CADM2: variants seen among roughly 807,000 people sequenced by gnomAD.
The protein encoded by CADM2 is immunoglobulin superfamily member 4D.
A neutral mutation model predicts 49.8 loss-of-function variants in CADM2; 12 were observed. The observed-to-expected ratio is 0.24, with a 90% CI of 0.15 to 0.39. The LOEUF is 0.39. Among genes scored for constraint, CADM2 ranks in the 10% least tolerant of loss-of-function variants. The pLI is 1.00. For missense variants in CADM2, 378 were observed against 492.3 expected, an observed-to-expected ratio of 0.77 and a Z score of 2.20; for synonymous variants, 214 against 175.4, an observed-to-expected ratio of 1.22 and a Z score of -1.74.
intron 1 of CADM2, among the ~76,000 whole-genome samples, chr3:85,122,573 T>G (rs557045858): frequency 2.6e-5 from 4 of 152,160 alleles, no homozygotes; most frequent in Non-Finnish European, 5.9e-5. Flanking sequence ...TGAACCATGA[T>G]TGGCTTTGGT....
intron 1 of CADM2, among the ~76,000 whole-genome samples, chr3:85,364,608 A>C (rs2107292760): frequency 6.6e-6 from 1 of 152,326 alleles, no homozygotes; most frequent in East Asian, 1.9e-4. Context: ...ATCACTACAT[A>C]AATTATGGCT....
rs191161043 is a variant in CADM2, at chr3:86,068,696, C to A, written c.*1913C>A. On this transcript the variant is annotated 3_prime_UTR_variant, in exon 10 of 10. Transcript: ENST00000383699. Reference sequence around the variant, plus strand: ...TTGATTTCTTACAAAAGAAAAAGGACGATGTCAGTCAAGCAGCACTTTTTC... The same window carrying A: ...TTGATTTCTTACAAAAGAAAAAGGAAGATGTCAGTCAAGCAGCACTTTTTC... 6 of 152,078 alleles carry A rather than the reference C, an allele frequency of 3.9e-5. No individual in the cohort carries two copies. The highest frequency in any genetic ancestry group is 7.4e-5 in the Non-Finnish European group (5 of 67,754). The allele number at this position is 152,078 out of a possible 1,614,324, so 9.4% of individuals were successfully genotyped here. A position where few individuals can be genotyped will look rare whatever the true frequency, so the allele number is the denominator to read the frequency against.
intron 3 of CADM2, among the ~76,000 whole-genome samples, chr3:85,859,951 T>TG (rs1210566175): frequency 6.6e-6 from 1 of 152,146 alleles, no homozygotes; most frequent in Non-Finnish European, 1.5e-5. Context: ...TGAAGTGAGA[T>TG]TTTTTCCCAT....
chr3:84,988,880 T>C (rs2032735181), intron 1 of CADM2, among the ~76,000 whole-genome samples: 1 of 152,210 alleles, frequency 6.6e-6, no homozygotes, highest in African/African-American at 2.4e-5. Flanking sequence ...TTACTCTGCC[T>C]AAACTGTTGT....
chr3:85,337,028 T>C (rs1377564442), intron 1 of CADM2, among the ~76,000 whole-genome samples: 1 of 136,006 alleles, frequency 7.4e-6, no homozygotes, highest in Admixed American at 7.7e-5. Flanking sequence ...TAAATAAATA[T>C]AAATATATAT....
rs150336816 is a variant in CADM2 at position 85,803,150 on chromosome 3, C to A, written c.238+954C>A. On this transcript the variant is annotated intron_variant, in intron 3 of 9. Coordinates refer to ENST00000383699, the MANE Select transcript of CADM2 (RefSeq NM_001167675.2). ...TATTTTGTTCATTGTTACAATTTTT[C>A]TTCTTTGATGTCCTCTAGATTTAAA... Among the ~76,000 whole-genome samples the A allele has an allele frequency of 2.8e-3, 421 of 152,070 alleles. 1 individual carries two copies. The highest frequency in any genetic ancestry group is 9.8e-3 in the African/African-American group (406 of 41,540).
chr3:86,016,171 G>A (rs2106959423), intron 8 of CADM2, among the ~76,000 whole-genome samples: 1 of 152,070 alleles, frequency 6.6e-6, no homozygotes, highest in South Asian at 2.1e-4. Flanking sequence ...TAATACTATA[G>A]TGGTAAAGTA....
intron 1 of CADM2, among the ~76,000 whole-genome samples, chr3:85,353,493 C>G (rs902143166): frequency 6.7e-6 from 1 of 149,782 alleles, no homozygotes; most frequent in Non-Finnish European, 1.5e-5. Flanking sequence ...TATATGATTG[C>G]TTTGTATTAA....
At position 85,022,636 on chromosome 3, in the gene CADM2, G is replaced by A. The variant is rs139841133; in HGVS notation, c.61+62968G>A. Reference sequence around the variant, plus strand: ...GCTAGTGATGCCTATTATATATACCGCTTTGTAACCTGCCACACATCATTG... The same window carrying A: ...GCTAGTGATGCCTATTATATATACCACTTTGTAACCTGCCACACATCATTG... On this transcript the variant is annotated intron_variant, in intron 1 of 9. Transcript: ENST00000383699. 4.0e-3 allele frequency among the ~76,000 whole-genome samples: 603 copies of A among 151,940 alleles called. 5 individuals carry two copies. The highest frequency in any genetic ancestry group is 0.014 in the African/African-American group (570 of 41,434).
At chr3:85,777,234 G>C (rs1220873851) in intron 2 of CADM2, among the ~76,000 whole-genome samples, 1 of 129,336 alleles carries the variant, frequency 7.7e-6, no homozygotes, top group Non-Finnish European at 1.8e-5. Context: ...ATTTGCTATG[G>C]TTTTTAAAAA....
At chr3:84,960,475 T>G in intron 1 of CADM2, 1 of 151,998 alleles carries the variant, frequency 6.6e-6, no homozygotes, top group East Asian at 1.9e-4. Flanking sequence ...ATTCAGTCTG[T>G]GTCGTTTCTT....
rs1330317763 is a variant in CADM2 at position 85,860,169 on chromosome 3, A to G, written c.239-23122A>G. ...TAAAAGATTTATTACATATTCATGG[A>G]TACTATTTACATACTTAGTAGCAAA... is the stretch of plus-strand genomic sequence containing the variant. On this transcript the variant is annotated intron_variant, in intron 3 of 9. Coordinates refer to ENST00000383699, the MANE Select transcript of CADM2 (RefSeq NM_001167675.2). Among the ~76,000 whole-genome samples, 3 of 152,160 alleles carry G rather than the reference A, an allele frequency of 2.0e-5. No individual in the cohort carries two copies. The East Asian group carries it at 5.8e-4, about 29-fold the overall frequency.
intron 1 of CADM2, among the ~76,000 whole-genome samples, chr3:85,058,437 C>A (rs990482152): frequency 1.3e-5 from 2 of 151,728 alleles, no homozygotes; most frequent in African/African-American, 4.8e-5. Flanking sequence ...AAATGACTTT[C>A]TTTTTTTTCT....
chr3:85,050,256 G>T (rs2035830451), intron 1 of CADM2, among the ~76,000 whole-genome samples: 1 of 152,012 alleles, frequency 6.6e-6, no homozygotes, highest in Non-Finnish European at 1.5e-5. Flanking sequence ...AACTGCCTTA[G>T]AACCCAGGAG....
intron 1 of CADM2, among the ~76,000 whole-genome samples, chr3:85,359,520 T>C (rs2032151329): frequency 6.7e-6 from 1 of 150,152 alleles, no homozygotes; most frequent in South Asian, 2.1e-4. Flanking sequence ...ATTCAATCTA[T>C]TGGGATATAA....
chr3:85,258,498 AG>A (rs1230221944), intron 1 of CADM2, among the ~76,000 whole-genome samples: 1 of 147,274 alleles, frequency 6.8e-6, no homozygotes, highest in Non-Finnish European at 1.5e-5. Flanking sequence ...CAAAAAGAGG[AG>A]GAAAAAAAAA....
At chr3:85,066,365 T>A (rs2036529722) in intron 1 of CADM2, among the ~76,000 whole-genome samples, 1 of 146,942 alleles carries the variant, frequency 6.8e-6, no homozygotes, top group Admixed American at 6.9e-5. Context: ...AGGGGTAAAA[T>A]GCTGGAATCA....
intron 1 of CADM2, among the ~76,000 whole-genome samples, chr3:85,331,122 T>C (rs1336613631): frequency 6.6e-6 from 1 of 152,148 alleles, no homozygotes; most frequent in Non-Finnish European, 1.5e-5. Context: ...TTTTCGTTTA[T>C]GTTAGCTTCA....
intron 8 of CADM2, among the ~76,000 whole-genome samples, chr3:86,063,743 G>A (rs1738971491): frequency 6.6e-6 from 1 of 152,100 alleles, no homozygotes; most frequent in Non-Finnish European, 1.5e-5. Context: ...TCAGATTAAT[G>A]TTCCTATAAT....
Sources: gnomAD v4.1 joint callset for allele counts (sites outside exome capture counted in the v4.1 genomes callset) on GRCh38, gnomAD v4.1.1 for gene constraint, MANE v1.5 for transcripts, NCBI Gene and HGNC (gene_info 2026-07-23, HGNC 2026-07-21) for gene names.